The following PPFIA2 variants were observed in gnomAD, a reference collection of about 807,000 sequenced individuals.
PPFIA2 encodes PPFI scaffold protein A2.
In PPFIA2, 46 loss-of-function variants were observed where a neutral mutation model predicts 175.5. The observed-to-expected ratio is 0.26, with a 90% CI of 0.21 to 0.34. PPFIA2 has a LOEUF of 0.34. Ranked by LOEUF, PPFIA2 falls within the 10% of genes least tolerant of loss-of-function variation. The pLI is 1.00. For missense variants in PPFIA2, 1,179 were observed against 1,506.1 expected (o/e 0.78, Z 3.60); for synonymous variants, 568 against 511.4 (o/e 1.11, Z -1.49).
intron 22 of PPFIA2, among the ~76,000 whole-genome samples, chr12:81,307,658 T>G (rs1198894365): frequency 6.6e-6 from 1 of 152,134 alleles, no homozygotes; most frequent in African/African-American, 2.4e-5. Flanking sequence ...TTTGGTAACT[T>G]GTCCCTTCCA....
chr12:81,267,099 A>G (rs1195616569), intron 29 of PPFIA2, 79 bp from the exon 30 acceptor site: 1 of 1,045,028 alleles, frequency 9.6e-7, no homozygotes, highest in African/African-American at 1.6e-5. Context: ...TTTATCTGAT[A>G]ATGTATTATA....
At chr12:81,426,482 C>T (rs554510168) in intron 7 of PPFIA2, among the ~76,000 whole-genome samples, 1 of 152,072 alleles carries the variant, frequency 6.6e-6, no homozygotes, top group Non-Finnish European at 1.5e-5. Context: ...GAGGGAGGTC[C>T]TATGGAGGAC....
chr12:81,403,926 T>C (rs2042482112), intron 8 of PPFIA2, among the ~76,000 whole-genome samples: 1 of 152,052 alleles, frequency 6.6e-6, no homozygotes, highest in South Asian at 2.1e-4. Context: ...AAGTTGCCCA[T>C]TTGGCCCTTT....
rs1207702566 is a variant in PPFIA2, at chr12:81,743,798, T to C, written c.249+10175A>G. 1.2e-4 allele frequency among the ~76,000 whole-genome samples: 18 copies of C among 152,242 alleles called. No individual in the cohort carries two copies. The East Asian group carries it at 2.3e-3, about 20-fold the overall frequency. Reference sequence around the variant, plus strand: ...GTGACAGCCAGCAGAATTTAGGCAGTGCCTTCTTATTTGCCATTATATATT... The same window carrying C: ...GTGACAGCCAGCAGAATTTAGGCAGCGCCTTCTTATTTGCCATTATATATT... On this transcript the variant is annotated intron_variant, in intron 3 of 32. Coordinates refer to ENST00000549396, the MANE Select transcript of PPFIA2 (RefSeq NM_003625.5).
intron 6 of PPFIA2, among the ~76,000 whole-genome samples, chr12:81,444,300 C>T (rs533151847): frequency 2.6e-4 from 39 of 152,226 alleles, no homozygotes; most frequent in African/African-American, 8.4e-4. Context: ...CTCTGAACTT[C>T]TCAGTCATAA....
intron 4 of PPFIA2, among the ~76,000 whole-genome samples, chr12:81,578,233 C>T (rs1015266189): frequency 6.6e-6 from 1 of 151,568 alleles, no homozygotes; most frequent in Non-Finnish European, 1.5e-5. Context: ...CTGTCACTTG[C>T]ACCATATAAT....
chr12:81,361,686 G>T (rs2030433280), intron 15 of PPFIA2, among the ~76,000 whole-genome samples: 1 of 151,432 alleles, frequency 6.6e-6, no homozygotes, highest in South Asian at 2.1e-4. Flanking sequence ...TATCTTGAGA[G>T]CATACTATAT....
chr12:81,325,079 A>C (rs1003420997), intron 22 of PPFIA2, among the ~76,000 whole-genome samples: 4 of 152,072 alleles, frequency 2.6e-5, no homozygotes, highest in African/African-American at 9.7e-5. Context: ...AATATTTGAG[A>C]AGAAGGAAAA....
At chr12:81,478,208 T>C (rs1381372612) in intron 4 of PPFIA2, among the ~76,000 whole-genome samples, 2 of 152,210 alleles carry the variant, frequency 1.3e-5, no homozygotes, top group African/African-American at 2.4e-5. Context: ...GAGATGTTTA[T>C]AGTATTCTCT....
chr12:81,654,731 G>A (rs2067519082), intron 4 of PPFIA2, among the ~76,000 whole-genome samples: 2 of 152,098 alleles, frequency 1.3e-5, no homozygotes, highest in African/African-American at 4.8e-5. Flanking sequence ...CATCTAAGAT[G>A]TTCCCAGACT....
intron 3 of PPFIA2, among the ~76,000 whole-genome samples, chr12:81,680,861 T>C (rs577567725): frequency 1.3e-5 from 2 of 152,050 alleles, no homozygotes; most frequent in African/African-American, 4.8e-5. Flanking sequence ...GAGGTGCCTA[T>C]AGTGCAAAAT....
At chr12:81,526,747 A>T (rs950321847) in intron 4 of PPFIA2, among the ~76,000 whole-genome samples, 2 of 152,164 alleles carry the variant, frequency 1.3e-5, no homozygotes, top group Non-Finnish European at 2.9e-5. Flanking sequence ...ACAAATTTTT[A>T]AAATATTTAA....
intron 4 of PPFIA2, among the ~76,000 whole-genome samples, chr12:81,489,804 A>C (rs1284556011): frequency 2.0e-5 from 3 of 151,836 alleles, no homozygotes; most frequent in Non-Finnish European, 4.4e-5. Context: ...AACATTTATG[A>C]GTGGAGGTTG....
chr12:81,598,155 C>A, intron 4 of PPFIA2: 1 of 1,467,358 alleles, frequency 6.8e-7, no homozygotes, highest in Non-Finnish European at 9.0e-7. Flanking sequence ...TCTGCCCCAT[C>A]CTTCTTACAT....
intron 4 of PPFIA2, among the ~76,000 whole-genome samples, chr12:81,557,793 T>C (rs2153383749): frequency 6.6e-6 from 1 of 152,248 alleles, no homozygotes; most frequent in East Asian, 1.9e-4. Context: ...TTAAATGGCA[T>C]TTAGCTCACT....
rs2034450296 is a variant in PPFIA2 at position 81,258,592 on chromosome 12, T to C, written c.*1102A>G. The C allele has an allele frequency of 6.6e-6, 1 of 152,166 alleles. No homozygotes were observed. 9.4% of individuals were successfully genotyped at this position (152,166 alleles called of 1,614,324 possible). On this transcript the variant is annotated 3_prime_UTR_variant, in exon 33 of 33. Coordinates refer to ENST00000549396, the MANE Select transcript of PPFIA2 (RefSeq NM_003625.5). ...CTATACTTTTATACACTATATATGT[T>C]AATCATTCTGTCTTTCATTTATTTC...
chr12:81,373,975 A>G (rs2035795324), intron 11 of PPFIA2, among the ~76,000 whole-genome samples: 1 of 152,064 alleles, frequency 6.6e-6, no homozygotes, highest in African/African-American at 2.4e-5. Context: ...CTTTGAAATG[A>G]TGCCATTTCC....
intron 4 of PPFIA2, among the ~76,000 whole-genome samples, chr12:81,477,967 T>C (rs530160320): frequency 2.0e-5 from 3 of 152,198 alleles, no homozygotes; most frequent in African/African-American, 7.2e-5. Flanking sequence ...TTGTTTGGAA[T>C]AGTTTCAGAA....
At chr12:81,664,211 C>G (rs2069602939) in intron 4 of PPFIA2, among the ~76,000 whole-genome samples, 4 of 152,072 alleles carry the variant, frequency 2.6e-5, no homozygotes, top group Admixed American at 2.6e-4. Flanking sequence ...AACTAAAGAG[C>G]TTCTGCACAG....
Sources: gnomAD v4.1 joint callset for allele counts (sites outside exome capture counted in the v4.1 genomes callset) on GRCh38, gnomAD v4.1.1 for gene constraint, MANE v1.5 for transcripts, NCBI Gene and HGNC (gene_info 2026-07-23, HGNC 2026-07-21) for gene names.